MTPN: variants seen among roughly 807,000 people sequenced by gnomAD.
MTPN encodes myotrophin.
Under a neutral mutation model 13.5 loss-of-function variants are expected in MTPN, and 2 were observed. The ratio of observed to expected loss-of-function variants is 0.15; its 90% CI spans 0.06 to 0.47. MTPN has a LOEUF of 0.47. Among genes scored for constraint, MTPN ranks in the 20% least tolerant of loss-of-function variants. The pLI is 0.97. For missense variants in MTPN, 79 were observed against 137.9 expected (o/e 0.57, Z 2.14); for synonymous variants, 46 against 51.7 (o/e 0.89, Z 0.48).
At chr7:135,944,870 TAATA>T (rs899444502) in intron 3 of MTPN, among the ~76,000 whole-genome samples, 3 of 152,170 alleles carry the variant, frequency 2.0e-5, no homozygotes, top group Non-Finnish European at 2.9e-5. Context: ...TAATGAACCC[TAATA>T]TATACAGCCA....
At chr7:135,974,938 T>G (rs1799750002) in intron 1 of MTPN, among the ~76,000 whole-genome samples, 1 of 152,224 alleles carries the variant, frequency 6.6e-6, no homozygotes, top group Non-Finnish European at 1.5e-5. Context: ...AAGTGAAAGA[T>G]ACTTTATGAA....
At chr7:135,968,421 G>GT (rs1175125786) in intron 1 of MTPN, among the ~76,000 whole-genome samples, 1 of 150,136 alleles carries the variant, frequency 6.7e-6, no homozygotes, top group Non-Finnish European at 1.5e-5. Context: ...CTTTACACTG[G>GT]TAATTTTCTG....
Position 135,942,839 on chromosome 7 carries a change from C to T in MTPN, c.270+7760G>A, listed in dbSNP as rs566020911. 2.6e-5 allele frequency among the ~76,000 whole-genome samples: 4 copies of T among 152,192 alleles called. No homozygotes were observed. In the East Asian group the frequency reaches 7.7e-4, roughly 29 times the overall value. On this transcript the variant is annotated intron_variant, in intron 3 of 3. Transcript: ENST00000393085. ...TTGTGTGTGTGTAGGTGTGTGGCAC[C>T]CCAGCACATAGCACAGATCACTAAC...
rs547967422 is a variant in MTPN, at chr7:135,966,733, T to C, written c.72+10296A>G. On this transcript the variant is annotated intron_variant, in intron 1 of 3. Coordinates refer to ENST00000393085, the MANE Select transcript of MTPN (RefSeq NM_145808.4). ...TTTGTATCAGCTCTAGATAGACGCA[T>C]CCAATTAGTCATGTTTGGGATGAGC... Among the ~76,000 whole-genome samples the C allele has an allele frequency of 7.2e-5, 11 of 152,298 alleles. No individual in the cohort carries two copies. In the East Asian group the frequency reaches 2.1e-3, roughly 29 times the overall value.
intron 1 of MTPN, 53 bp downstream of exon 1, chr7:135,976,976 C>T: frequency 1.3e-6 from 2 of 1,530,104 alleles, no homozygotes; most frequent in Non-Finnish European, 1.8e-6. Flanking sequence ...CTTCCTCAGC[C>T]TCATCTCCAG....
At chr7:135,939,143 C>A (rs1240120019) in intron 3 of MTPN, among the ~76,000 whole-genome samples, 1 of 152,146 alleles carries the variant, frequency 6.6e-6, no homozygotes. Context: ...ACTCCTATAT[C>A]CCCAGTATTT....
At chr7:135,949,694 G>A (rs148444010) in intron 3 of MTPN, among the ~76,000 whole-genome samples, 4 of 152,152 alleles carry the variant, frequency 2.6e-5, no homozygotes, top group African/African-American at 4.8e-5. Context: ...AATTTTCTTC[G>A]TATCTTACTG....
chr7:135,939,097 A>G (rs1311581223), intron 3 of MTPN, among the ~76,000 whole-genome samples: 1 of 152,100 alleles, frequency 6.6e-6, no homozygotes, highest in Non-Finnish European at 1.5e-5. Context: ...CTAGAAAATG[A>G]GGTGTCCAAG....
chr7:135,954,572 G>A (rs990497785), intron 1 of MTPN, among the ~76,000 whole-genome samples: 1 of 152,300 alleles, frequency 6.6e-6, no homozygotes, highest in South Asian at 2.1e-4. Context: ...TCTTTAGAGT[G>A]AGACAAAGCA....
chr7:135,932,120 G>A (rs1418609159), intron 3 of MTPN: 1 of 151,292 alleles, frequency 6.6e-6, no homozygotes, highest in East Asian at 1.9e-4. Flanking sequence ...CCATTCCCAG[G>A]GTCCTCTATA....
At chr7:135,945,322 T>C (rs1799273976) in intron 3 of MTPN, among the ~76,000 whole-genome samples, 1 of 152,208 alleles carries the variant, frequency 6.6e-6, no homozygotes, top group Non-Finnish European at 1.5e-5. Context: ...AAATTAACCT[T>C]AGCTCACTGT....
chr7:135,951,662 A>C, intron 1 of MTPN, 32 bp from the exon 2 acceptor site: 1 of 1,462,586 alleles, frequency 6.8e-7, no homozygotes, highest in South Asian at 1.2e-5. Flanking sequence ...AACAATATTT[A>C]TATGAATGGA....
chr7:135,950,905 A>C (rs1799355619), intron 2 of MTPN, among the ~76,000 whole-genome samples: 1 of 152,174 alleles, frequency 6.6e-6, no homozygotes, highest in Non-Finnish European at 1.5e-5. Flanking sequence ...CATAGGGAGC[A>C]GGGCTTTGAC....
At chr7:135,975,571 G>A (rs1244553987) in intron 1 of MTPN, among the ~76,000 whole-genome samples, 1 of 152,184 alleles carries the variant, frequency 6.6e-6, no homozygotes, top group African/African-American at 2.4e-5. Context: ...TGTAAGTTCA[G>A]TTAGTACTTA....
At chr7:135,954,424 C>T (rs549013480) in intron 1 of MTPN, among the ~76,000 whole-genome samples, 1 of 152,284 alleles carries the variant, frequency 6.6e-6, no homozygotes, top group African/African-American at 2.4e-5. Context: ...AACTAGCATA[C>T]CACCTTAGTC....
chr7:135,949,206 A>G (rs951399083), intron 3 of MTPN, among the ~76,000 whole-genome samples: 1 of 152,236 alleles, frequency 6.6e-6, no homozygotes, highest in African/African-American at 2.4e-5. Flanking sequence ...AACTAATACA[A>G]TATTGAAATT....
intron 1 of MTPN, among the ~76,000 whole-genome samples, chr7:135,955,036 T>G (rs958015820): frequency 2.0e-5 from 3 of 152,214 alleles, no homozygotes; most frequent in African/African-American, 7.2e-5. Flanking sequence ...TTCTCCTTTA[T>G]TCCTTCAGAC....
At chr7:135,971,226 A>G (rs139143211) in intron 1 of MTPN, among the ~76,000 whole-genome samples, 8 of 152,266 alleles carry the variant, frequency 5.3e-5, no homozygotes, top group Non-Finnish European at 1.0e-4. Context: ...GAAGTTAGAG[A>G]CCAGGCTTCT....
intron 2 of MTPN, 145 bp from the exon 3 acceptor site, chr7:135,950,827 G>C (rs1044485904): frequency 3.0e-6 from 2 of 670,548 alleles, no homozygotes; most frequent in African/African-American, 3.6e-5. Flanking sequence ...CAAGTGTCTA[G>C]TCTCTTAAAG....
Sources: gnomAD v4.1 joint callset for allele counts (sites outside exome capture counted in the v4.1 genomes callset) on GRCh38, gnomAD v4.1.1 for gene constraint, MANE v1.5 for transcripts, NCBI Gene and HGNC (gene_info 2026-07-23, HGNC 2026-07-21) for gene names.